The following ATAD2 variants were observed in gnomAD, a reference collection of about 807,000 sequenced individuals.
ATAD2 encodes ATPase family AAA domain-containing protein 2.
Under a neutral mutation model 168.9 loss-of-function variants are expected in ATAD2, and 62 were observed. The observed-to-expected ratio is 0.37, with a 90% confidence interval of 0.30 to 0.45. The LOEUF (loss-of-function observed/expected upper bound fraction) is 0.45, where lower values mean the gene tolerates loss of function less well. ATAD2 is among the 20% of genes least tolerant of loss of function. The pLI, the probability that ATAD2 is intolerant of heterozygous loss-of-function variation, is 1.00. For synonymous variants in ATAD2, 613 were observed against 571.6 expected, an observed-to-expected ratio of 1.07 and a Z score of -1.03; for missense variants, 1,419 against 1,667.8, an observed-to-expected ratio of 0.85 and a Z score of 2.60.
At chr8:123,321,802 G>A (rs113990925) in intron 27 of ATAD2, among the ~76,000 whole-genome samples, 2,137 of 152,048 alleles carry the variant, frequency 0.014, 52 homozygotes, top group African/African-American at 0.049. Flanking sequence ...CAGTGTGGTG[G>A]TGCTTGCCTA....
chr8:123,323,184 G>A, intron 26 of ATAD2, 118 bp from the exon 27 acceptor site: 2 of 1,067,184 alleles, frequency 1.9e-6, no homozygotes, highest in Non-Finnish European at 2.6e-6. Context: ...CAAGCCATCT[G>A]ATGACACAGG....
chr8:123,371,366 G>A (rs1829143526), intron 4 of ATAD2, 28 bp from the exon 5 acceptor site: 2 of 1,535,614 alleles, frequency 1.3e-6, no homozygotes, highest in Non-Finnish European at 1.8e-6. Context: ...AAATGTAAGT[G>A]AAAATTGTAA....
intron 8 of ATAD2, among the ~76,000 whole-genome samples, chr8:123,362,462 G>A (rs1828856651): frequency 6.6e-6 from 1 of 151,126 alleles, no homozygotes; most frequent in Non-Finnish European, 1.5e-5. Flanking sequence ...CCAGGTTGGA[G>A]TGCAGTGGGA....
At chr8:123,364,220 A>G (rs918508552) in intron 8 of ATAD2, among the ~76,000 whole-genome samples, 4 of 152,202 alleles carry the variant, frequency 2.6e-5, no homozygotes, top group Non-Finnish European at 5.9e-5. Context: ...TACAGATAAA[A>G]AAAAAACTGA....
chr8:123,367,452 A>C (rs1379018602), intron 8 of ATAD2, among the ~76,000 whole-genome samples: 2 of 152,172 alleles, frequency 1.3e-5, no homozygotes, highest in African/African-American at 4.8e-5. Flanking sequence ...TAAGATCCCA[A>C]AGTAGCTGCC....
At chr8:123,323,235 G>A (rs1827522896) in intron 26 of ATAD2, among the ~76,000 whole-genome samples, 169 bp from the exon 27 acceptor site, 1 of 152,170 alleles carries the variant, frequency 6.6e-6, no homozygotes, top group African/African-American at 2.4e-5. Flanking sequence ...ATGTACTTAA[G>A]TCTAGCTATA....
At chr8:123,364,815 C>A (rs993945199) in intron 8 of ATAD2, among the ~76,000 whole-genome samples, 6 of 152,154 alleles carry the variant, frequency 3.9e-5, no homozygotes, top group African/African-American at 1.2e-4. Flanking sequence ...CCACAGCCAA[C>A]GTAATACTGA....
intron 24 of ATAD2, among the ~76,000 whole-genome samples, chr8:123,329,874 A>G (rs1827728566): frequency 6.6e-6 from 1 of 151,870 alleles, no homozygotes; most frequent in African/African-American, 2.4e-5. Context: ...TGTCTAGACT[A>G]GATGCAGTAT....
intron 1 of ATAD2, among the ~76,000 whole-genome samples, chr8:123,391,218 ACAGAAAAGATATCCATAGT>A (rs1829817393): frequency 6.6e-6 from 1 of 151,982 alleles, no homozygotes; most frequent in Non-Finnish European, 1.5e-5. Context: ...AAAAGAAACT[ACAGAAAAGATATCCATAGT>A]CATAAAGTTG....
At chr8:123,351,544 T>C (rs1828460153) in intron 13 of ATAD2, among the ~76,000 whole-genome samples, 1 of 152,140 alleles carries the variant, frequency 6.6e-6, no homozygotes, top group Non-Finnish European at 1.5e-5. Context: ...ATTCAATCAT[T>C]TCTTTTGCAT....
chr8:123,395,758 G>A (rs1246759894), intron 1 of ATAD2, among the ~76,000 whole-genome samples: 1 of 151,986 alleles, frequency 6.6e-6, no homozygotes, highest in Non-Finnish European at 1.5e-5. Context: ...CTGTCCCTGT[G>A]CCCCCTCCCC....
At chr8:123,389,265 C>A (rs945429165) in intron 1 of ATAD2, among the ~76,000 whole-genome samples, 1 of 147,848 alleles carries the variant, frequency 6.8e-6, no homozygotes, top group South Asian at 2.2e-4. Flanking sequence ...TGTGAGCCAC[C>A]GTGCCCGGCC....
chr8:123,397,240 CAAAAAAAAAAAA>C (rs71310670), upstream of ATAD2, among the ~76,000 whole-genome samples: 11 of 40,034 alleles, frequency 2.7e-4, no homozygotes, highest in African/African-American at 7.1e-4. Context: ...GACTCTGTCT[CAAAAAAAAAAAA>C]AAAAAAAAAA....
chr8:123,392,144 T>C (rs1158533111), intron 1 of ATAD2, among the ~76,000 whole-genome samples: 2 of 152,172 alleles, frequency 1.3e-5, no homozygotes, highest in Non-Finnish European at 2.9e-5. Flanking sequence ...ACAACAAATA[T>C]TTAATATACA....
chr8:123,361,121 A>T (rs1051792282), intron 9 of ATAD2, among the ~76,000 whole-genome samples: 1 of 151,952 alleles, frequency 6.6e-6, no homozygotes, highest in African/African-American at 2.4e-5. Flanking sequence ...GTTCAAGACC[A>T]GCCTGGCCAA....
Position 123,347,381 on chromosome 8 carries a change from T to C in ATAD2, c.1923A>G (p.Ser641=). ...CACATAAAGCAGCTTCAGCACATATTGATTTAATATCTGCTCCACAGTATC... is the reference window on the plus strand; with the variant it reads ...CACATAAAGCAGCTTCAGCACATATCGATTTAATATCTGCTCCACAGTATC... The part of the protein sequence containing the change: ...CVGYCGADIK[S]ICAEAALCAL... The change falls in exon 16 of 28, where the codon TCA becomes TCG. Residue 641 remains serine (S), a synonymous_variant. Transcript: ENST00000287394. 1 of 1,612,860 alleles carries C rather than the reference T, an allele frequency of 6.2e-7. No homozygotes were observed. Among genetic ancestry groups the C allele is most frequent in the Non-Finnish European group, 8.5e-7 (1 of 1,179,540 alleles).
chr8:123,392,498 T>TA (rs557369612), intron 1 of ATAD2, among the ~76,000 whole-genome samples: 2,047 of 148,666 alleles, frequency 0.014, 16 homozygotes, highest in Middle Eastern at 0.063. Context: ...AGTTTTCTCA[T>TA]AAAAAAAAAA....
At chr8:123,323,187 GAC>G in intron 26 of ATAD2, 121 bp from the exon 27 acceptor site, 1 of 1,028,704 alleles carries the variant, frequency 9.7e-7, no homozygotes, top group Non-Finnish European at 1.4e-6. Flanking sequence ...GCCATCTGAT[GAC>G]ACAGGGCAGC....
At chr8:123,337,358 C>T (rs1159402485) in intron 21 of ATAD2, among the ~76,000 whole-genome samples, 1 of 150,896 alleles carries the variant, frequency 6.6e-6, no homozygotes, top group African/African-American at 2.4e-5. Context: ...AGCAAAACTC[C>T]GTTTCAAAAA....
Sources: gnomAD v4.1 joint callset for allele counts (sites outside exome capture counted in the v4.1 genomes callset) on GRCh38, gnomAD v4.1.1 for gene constraint, MANE v1.5 for transcripts, NCBI Gene and HGNC (gene_info 2026-07-23, HGNC 2026-07-21) for gene names.